The following RABGEF1 variants were observed in gnomAD, a reference collection of about 807,000 sequenced individuals.
The protein encoded by RABGEF1 is RAB guanine nucleotide exchange factor 1.
A neutral mutation model predicts 57.3 loss-of-function variants in RABGEF1; 26 were observed. That is an observed-to-expected ratio of 0.45 (90% CI 0.33 to 0.63). RABGEF1 has a LOEUF of 0.63. Ranked by LOEUF, RABGEF1 falls within the 20% of genes least tolerant of loss-of-function variation. The pLI is 0.02. For missense variants in RABGEF1, 464 were observed against 607.6 expected, an observed-to-expected ratio of 0.76 and a Z score of 2.48; for synonymous variants, 185 against 210.7, an observed-to-expected ratio of 0.88 and a Z score of 1.06.
At chr7:66,702,347 T>TCGTGTG (rs1554306667) in intron 1 of RABGEF1, among the ~76,000 whole-genome samples, 1 of 143,888 alleles carries the variant, frequency 6.9e-6, no homozygotes, top group Non-Finnish European at 1.5e-5. Context: ...ATTGTTTTGT[T>TCGTGTG]TGTGTGTGTG....
chr7:66,781,225 A>G (rs1003439554), intron 3 of RABGEF1, among the ~76,000 whole-genome samples: 1 of 152,142 alleles, frequency 6.6e-6, no homozygotes, highest in Admixed American at 6.5e-5. Context: ...GGGTTTACAG[A>G]ATACATCTTT....
intron 1 of RABGEF1, among the ~76,000 whole-genome samples, chr7:66,749,426 G>A (rs1396608616): frequency 2.6e-5 from 4 of 152,284 alleles, no homozygotes; most frequent in East Asian, 3.8e-4. Context: ...TTTTCTAAAT[G>A]TGTTCCTCAA....
intron 1 of RABGEF1, among the ~76,000 whole-genome samples, chr7:66,699,122 C>A (rs574367680): frequency 1.3e-5 from 2 of 152,298 alleles, no homozygotes; most frequent in African/African-American, 4.8e-5. Flanking sequence ...GAGGCGAATT[C>A]CAGGCCCCTC....
upstream of RABGEF1, chr7:66,740,362 C>T (rs1798620069): frequency 6.6e-6 from 1 of 152,256 alleles, no homozygotes; most frequent in Non-Finnish European, 1.5e-5. Context: ...TAGCTCCGCT[C>T]CACCTCCCAT....
chr7:66,787,756 A>G (rs989209552), intron 4 of RABGEF1, among the ~76,000 whole-genome samples: 2 of 152,226 alleles, frequency 1.3e-5, no homozygotes, highest in Non-Finnish European at 2.9e-5. Flanking sequence ...TCTCTTTGTC[A>G]TCTGGACAGA....
At chr7:66,761,842 G>C (rs1804453079) in intron 1 of RABGEF1, among the ~76,000 whole-genome samples, 1 of 152,166 alleles carries the variant, frequency 6.6e-6, no homozygotes, top group Admixed American at 6.5e-5. Flanking sequence ...CTTGACGTCA[G>C]GAGTTCGAGA....
intron 1 of RABGEF1, among the ~76,000 whole-genome samples, chr7:66,707,572 C>T (rs1794282807): frequency 1.3e-5 from 2 of 152,092 alleles, no homozygotes; most frequent in South Asian, 4.1e-4. Context: ...CCTGTAATCC[C>T]AGCTACTCGG....
At chr7:66,801,378 G>A (rs1306241397) in intron 7 of RABGEF1, among the ~76,000 whole-genome samples, 3 of 152,154 alleles carry the variant, frequency 2.0e-5, no homozygotes, top group Non-Finnish European at 2.9e-5. Flanking sequence ...TTTAGCTTTT[G>A]TATTACAGAG....
At chr7:66,695,890 TGGGAGTC>T (rs1792250562) in intron 1 of RABGEF1, among the ~76,000 whole-genome samples, 1 of 151,638 alleles carries the variant, frequency 6.6e-6, no homozygotes, top group South Asian at 2.1e-4. Context: ...CACTTACATC[TGGGAGTC>T]GGAGGTTGCA....
At chr7:66,674,184 A>T in the RABGEF1 span, among the ~76,000 whole-genome samples, 5,281 of 149,094 alleles carry the variant, frequency 0.035, 149 homozygotes, top group Middle Eastern at 0.076. Context: ...GCTTGTGTCC[A>T]CTAAAGGCTT....
intron 2 of RABGEF1, among the ~76,000 whole-genome samples, chr7:66,732,725 CTCTCTCTCTCTT>C (rs1423121874): frequency 1.3e-5 from 2 of 149,838 alleles, no homozygotes; most frequent in Non-Finnish European, 2.9e-5. Context: ...CTCTCTCTCG[CTCTCTCTCTCTT>C]GCTGTCTCTC....
Position 66,753,389 on chromosome 7 carries a change from A to G in RABGEF1, c.-18+12597A>G, listed in dbSNP as rs537534724. Among the ~76,000 whole-genome samples, 8 of 152,358 alleles carry G rather than the reference A, an allele frequency of 5.3e-5. No homozygotes were observed. In the South Asian group the frequency reaches 1.4e-3, roughly 28 times the overall value. Reference sequence around the variant, plus strand: ...AAACTCATTTCTTCTAATTATTTGTAGAGTTTACAACAATTCTTATTGGAT... The same window carrying G: ...AAACTCATTTCTTCTAATTATTTGTGGAGTTTACAACAATTCTTATTGGAT... On this transcript the variant is annotated intron_variant, in intron 1 of 8. Transcript: ENST00000284957.
At chr7:66,676,860 C>T in the RABGEF1 span, among the ~76,000 whole-genome samples, 9 of 152,292 alleles carry the variant, frequency 5.9e-5, 1 homozygote, top group South Asian at 4.1e-4. Context: ...CTGGGATTAG[C>T]GGCATAAGCC....
intron 2 of RABGEF1, among the ~76,000 whole-genome samples, chr7:66,727,386 C>A (rs1037452079): frequency 3.3e-5 from 5 of 152,206 alleles, no homozygotes; most frequent in African/African-American, 7.2e-5. Context: ...CCTCCCTGGC[C>A]ACCCCATCCC....
intron 3 of RABGEF1, among the ~76,000 whole-genome samples, chr7:66,775,739 C>G (rs1217452480): frequency 6.6e-6 from 1 of 152,132 alleles, no homozygotes; most frequent in Non-Finnish European, 1.5e-5. Flanking sequence ...GTATAATACC[C>G]TCACTGTTCA....
At position 66,727,959 on chromosome 7, in the gene RABGEF1, C is replaced by T. The variant is rs533489127; in HGVS notation, c.-814-12037C>T. Among the ~76,000 whole-genome samples, 11 of 152,326 alleles carry T rather than the reference C, an allele frequency of 7.2e-5. No homozygotes were observed. In the East Asian group the frequency reaches 2.1e-3, roughly 29 times the overall value. On this transcript the variant is annotated intron_variant and NMD_transcript_variant, in intron 2 of 9. Transcript: ENST00000607882. Reference sequence around the variant, plus strand: ...CAAACACCCTTGCCTCAGGCGTCTCCACCAACCTCATCCTCCCCTCTCCTG... The same window carrying T: ...CAAACACCCTTGCCTCAGGCGTCTCTACCAACCTCATCCTCCCCTCTCCTG...
At chr7:66,764,949 T>C (rs1406030902) in intron 1 of RABGEF1, among the ~76,000 whole-genome samples, 3 of 152,232 alleles carry the variant, frequency 2.0e-5, no homozygotes, top group Admixed American at 6.5e-5. Flanking sequence ...GCCCTTGTTA[T>C]CTTCTGCATT....
At position 66,810,536 on chromosome 7, in the gene RABGEF1, A is replaced by G. The variant is rs926093637; in HGVS notation, c.*1252A>G. On this transcript the variant is annotated 3_prime_UTR_variant, in exon 9 of 9. Transcript: ENST00000284957. Reference sequence around the variant, plus strand: ...GTGTAACCAAAGAATCTTGCACTCAATGCACAGTGTGATGTTAACTAAAAC... The same window carrying G: ...GTGTAACCAAAGAATCTTGCACTCAGTGCACAGTGTGATGTTAACTAAAAC... 1 of 152,230 alleles carries G rather than the reference A, an allele frequency of 6.6e-6. No homozygotes were observed. Among genetic ancestry groups the G allele is most frequent in the Non-Finnish European group, 1.5e-5 (1 of 68,042 alleles). The allele number at this position is 152,230 out of a possible 1,614,324, so 9.4% of individuals were successfully genotyped here. A position where few individuals can be genotyped will look rare whatever the true frequency, so the allele number is the denominator to read the frequency against.
upstream of RABGEF1, chr7:66,739,699 C>T (rs371634513): frequency 2.0e-5 from 3 of 149,854 alleles, no homozygotes; most frequent in Non-Finnish European, 3.0e-5. Flanking sequence ...TGAAAAATTA[C>T]GCAACCTGTC....
Sources: allele counts gnomAD v4.1 joint callset (sites outside exome capture counted in the v4.1 genomes callset), GRCh38; gene constraint gnomAD v4.1.1; transcripts MANE v1.5; gene names NCBI Gene and HGNC (gene_info 2026-07-23, HGNC 2026-07-21).